The following PRKCA variants were observed in gnomAD, a reference collection of about 807,000 sequenced individuals.
PRKCA encodes the protein protein kinase C alpha type.
In PRKCA, 27 loss-of-function variants were observed where a neutral mutation model predicts 87.0. The observed-to-expected ratio is 0.31, with a 90% CI of 0.23 to 0.43. PRKCA has a LOEUF of 0.43. PRKCA is among the 20% of genes least tolerant of loss of function. The pLI, the probability that PRKCA is intolerant of heterozygous loss-of-function variation, is 1.00. For synonymous variants in PRKCA, 329 were observed against 311.1 expected (o/e 1.06, Z -0.61); for missense variants, 518 against 852.3 (o/e 0.61, Z 4.88).
chr17:66,539,713 T>C (rs1967915809), intron 3 of PRKCA, among the ~76,000 whole-genome samples: 1 of 152,206 alleles, frequency 6.6e-6, no homozygotes, highest in African/African-American at 2.4e-5. Flanking sequence ...AAGGTTTCAA[T>C]CTTAATAAGA....
chr17:66,761,944 C>T lies in PRKCA; in HGVS notation c.1525-12043C>T, dbSNP rs550319244. ...AGTGGGAGTGAGCAAAGGAGAGGGCCAAGGAGGGTGTCCTAATACCATAAG... is the reference window on the plus strand; with the variant it reads ...AGTGGGAGTGAGCAAAGGAGAGGGCTAAGGAGGGTGTCCTAATACCATAAG... On this transcript the variant is annotated intron_variant, in intron 13 of 16. Coordinates refer to ENST00000413366, the MANE Select transcript of PRKCA (RefSeq NM_002737.3). Among the ~76,000 whole-genome samples the T allele has an allele frequency of 7.6e-4, 115 of 152,120 alleles. 1 individual carries two copies. Among genetic ancestry groups the T allele is most frequent in the South Asian group, 4.2e-4 (2 of 4,808 alleles).
At chr17:66,764,435 G>A (rs1040565514) in intron 13 of PRKCA, among the ~76,000 whole-genome samples, 4 of 152,116 alleles carry the variant, frequency 2.6e-5, no homozygotes, top group Non-Finnish European at 4.4e-5. Context: ...CAGGCCCTTG[G>A]CCTTGTACAA....
At chr17:66,356,547 C>T (rs992421544) in intron 2 of PRKCA, among the ~76,000 whole-genome samples, 2 of 152,098 alleles carry the variant, frequency 1.3e-5, no homozygotes, top group Non-Finnish European at 2.9e-5. Flanking sequence ...ACGCTTGAAC[C>T]CAGGAGGCGG....
chr17:66,503,325 C>T (rs573729844), intron 3 of PRKCA, among the ~76,000 whole-genome samples: 68 of 152,202 alleles, frequency 4.5e-4, no homozygotes, highest in African/African-American at 1.3e-3. Context: ...CAGGTGACTT[C>T]GCAGGTTATT....
chr17:66,500,588 A>G (rs1174842828), intron 3 of PRKCA, among the ~76,000 whole-genome samples: 1 of 152,200 alleles, frequency 6.6e-6, no homozygotes, highest in Non-Finnish European at 1.5e-5. Context: ...GGGTACTGTC[A>G]TATGTTATCT....
chr17:66,302,717 C>T lies in PRKCA; in HGVS notation c.-135C>T. ...CCCGGCCCCCGCCGCGCCCCCTCGC[C>T]GCGACCTCGGCCACCGGCCCGCGCC... On this transcript the variant is annotated 5_prime_UTR_variant, in exon 1 of 17. Transcript: ENST00000413366. 2.0e-6 allele frequency: 1 copy of T among 498,890 alleles called. No homozygotes were observed. Among genetic ancestry groups the T allele is most frequent in the Non-Finnish European group, 2.6e-6 (1 of 384,946 alleles). 30.9% of individuals were successfully genotyped at this position (498,890 alleles called of 1,614,324 possible). A position where few individuals can be genotyped will look rare whatever the true frequency, so the allele number is the denominator to read the frequency against.
intron 13 of PRKCA, among the ~76,000 whole-genome samples, chr17:66,772,682 C>A (rs1349228784): frequency 1.3e-5 from 2 of 152,022 alleles, no homozygotes; most frequent in African/African-American, 4.8e-5. Context: ...TTTTAATAAG[C>A]CCTGCCATAC....
intron 8 of PRKCA, among the ~76,000 whole-genome samples, chr17:66,696,185 A>G (rs555832281): frequency 6.6e-6 from 1 of 152,280 alleles, no homozygotes; most frequent in African/African-American, 2.4e-5. Flanking sequence ...GAGAAGTGGT[A>G]TTGCATAGTG....
intron 5 of PRKCA, among the ~76,000 whole-genome samples, chr17:66,679,754 C>G (rs141883087): frequency 1.3e-5 from 2 of 152,356 alleles, no homozygotes; most frequent in Middle Eastern, 3.4e-3. Context: ...ACTTCACCAC[C>G]TCTTCTCTGG....
At chr17:66,526,548 G>C (rs2144242262) in intron 3 of PRKCA, among the ~76,000 whole-genome samples, 1 of 152,272 alleles carries the variant, frequency 6.6e-6, no homozygotes, top group South Asian at 2.1e-4. Flanking sequence ...CCAGGGCTAA[G>C]GGGGCAAGGC....
Position 66,428,655 on chromosome 17 carries a change from C to T in PRKCA, c.206-67546C>T, listed in dbSNP as rs1481474427. On this transcript the variant is annotated intron_variant, in intron 2 of 16. Coordinates refer to ENST00000413366, the MANE Select transcript of PRKCA (RefSeq NM_002737.3). ...AGAAGCTGGGACTACAGTCATGTAT[C>T]ACCATGCCCAGCTAATTTTTATATT... Among the ~76,000 whole-genome samples the T allele has an allele frequency of 4.6e-5, 7 of 152,034 alleles. No individual in the cohort carries two copies. In the East Asian group the frequency reaches 1.3e-3, roughly 29 times the overall value.
At chr17:66,474,167 C>T (rs906900635) in intron 2 of PRKCA, among the ~76,000 whole-genome samples, 2 of 152,150 alleles carry the variant, frequency 1.3e-5, no homozygotes, top group Non-Finnish European at 2.9e-5. Flanking sequence ...GTTCAAGTGA[C>T]CTAACATTAT....
Position 66,753,092 on chromosome 17 carries a change from G to A in PRKCA, c.1524+10332G>A, listed in dbSNP as rs530652259. On this transcript the variant is annotated intron_variant, in intron 13 of 16. Transcript: ENST00000413366. ...CATTTTACATTTAAAAATGTAAAAA[G>A]CATGCTTAGCTCACAGGCTGTACAA... Among the ~76,000 whole-genome samples, 3 of 152,318 alleles carry A rather than the reference G, an allele frequency of 2.0e-5. No individual in the cohort carries two copies. In the South Asian group the frequency reaches 6.2e-4, roughly 32 times the overall value.
intron 13 of PRKCA, among the ~76,000 whole-genome samples, chr17:66,752,397 C>G (rs1974454688): frequency 6.6e-6 from 1 of 152,160 alleles, no homozygotes; most frequent in Non-Finnish European, 1.5e-5. Flanking sequence ...GAGTTCGAGA[C>G]CAGCCTGGCC....
At chr17:66,713,814 T>C (rs1387062917) in intron 8 of PRKCA, among the ~76,000 whole-genome samples, 1 of 152,172 alleles carries the variant, frequency 6.6e-6, no homozygotes, top group Non-Finnish European at 1.5e-5. Flanking sequence ...TCACTGGTTT[T>C]CTCTGTTGAC....
chr17:66,723,634 C>CCA, intron 8 of PRKCA, among the ~76,000 whole-genome samples: 1 of 130,924 alleles, frequency 7.6e-6, no homozygotes, highest in South Asian at 2.5e-4. Context: ...TCTCAAAAAA[C>CCA]AAAAAAAAAA....
intron 13 of PRKCA, among the ~76,000 whole-genome samples, chr17:66,759,365 AAAAG>A (rs1331243975): frequency 2.6e-5 from 4 of 152,250 alleles, no homozygotes; most frequent in African/African-American, 7.2e-5. Flanking sequence ...CAAAAAAAAA[AAAAG>A]AAAGTAGACT....
In PRKCA at chr17:66,573,287, C is replaced by T. The variant is rs554812875; in HGVS notation, c.289-68068C>T. On this transcript the variant is annotated intron_variant, in intron 3 of 16. Coordinates refer to ENST00000413366, the MANE Select transcript of PRKCA (RefSeq NM_002737.3). ...TGCCTTTTCATTGCAAGAGTGAAAA[C>T]GAGAGATAAAGGAGGTTTTTTCCTG... 6.6e-5 allele frequency among the ~76,000 whole-genome samples: 10 copies of T among 152,238 alleles called. No homozygotes were observed. In the East Asian group the frequency reaches 9.6e-4, roughly 15 times the overall value.
chr17:66,781,883 ATATAGTGTGT>A (rs1471441367), intron 14 of PRKCA, among the ~76,000 whole-genome samples: 4 of 129,270 alleles, frequency 3.1e-5, no homozygotes, highest in African/African-American at 1.3e-4. Context: ...ATATATATAT[ATATAGTGTGT>A]GTGTGTGTGT....
Sources: gnomAD v4.1 joint callset for allele counts (sites outside exome capture counted in the v4.1 genomes callset) on GRCh38, gnomAD v4.1.1 for gene constraint, MANE v1.5 for transcripts, NCBI Gene and HGNC (gene_info 2026-07-23, HGNC 2026-07-21) for gene names.